SH3PXD2A: variants seen among roughly 807,000 people sequenced by gnomAD.
SH3PXD2A encodes SH3 and PX domain-containing protein 2A.
A neutral mutation model predicts 115.2 loss-of-function variants in SH3PXD2A; 32 were observed. That is an observed-to-expected ratio of 0.28 (90% CI 0.21 to 0.37). The LOEUF is 0.37. Ranked by LOEUF, SH3PXD2A falls within the 10% of genes least tolerant of loss-of-function variation. The pLI, the probability that SH3PXD2A is intolerant of heterozygous loss-of-function variation, is 1.00. For synonymous variants in SH3PXD2A, 610 were observed against 629.1 expected, an observed-to-expected ratio of 0.97 and a Z score of 0.45; for missense variants, 1,328 against 1,498.7, an observed-to-expected ratio of 0.89 and a Z score of 1.88.
chr10:103,595,226 T>G lies in SH3PXD2A; in HGVS notation c.*6590A>C, dbSNP rs2036116760. The G allele has an allele frequency of 1.3e-5, 2 of 152,202 alleles. No individual in the cohort carries two copies. The highest frequency in any genetic ancestry group is 4.8e-5 in the African/African-American group (2 of 41,454). 9.4% of individuals were successfully genotyped at this position (152,202 alleles called of 1,614,324 possible). A position where few individuals can be genotyped will look rare whatever the true frequency, so the allele number is the denominator to read the frequency against. ...GAGTGGCAGTTTTTTCCTAGCCAGT[T>G]TCTGTGGCCAAATTTGGAGGATTTT... On this transcript the variant is annotated 3_prime_UTR_variant, in exon 15 of 15. Coordinates refer to ENST00000369774, the MANE Select transcript of SH3PXD2A (RefSeq NM_001394015.1).
At chr10:103,853,441 T>C (rs1454212049) in intron 1 of SH3PXD2A, among the ~76,000 whole-genome samples, 3 of 152,240 alleles carry the variant, frequency 2.0e-5, no homozygotes, top group African/African-American at 7.2e-5. Flanking sequence ...TACATACTAT[T>C]ATTATCCTTA....
intron 5 of SH3PXD2A, among the ~76,000 whole-genome samples, chr10:103,696,520 C>T (rs2037826346): frequency 6.6e-6 from 1 of 152,122 alleles, no homozygotes; most frequent in African/African-American, 2.4e-5. Context: ...TCCCCTTCTC[C>T]AATCCACACT....
chr10:103,674,857 TAAAA>T (rs1452879566), intron 6 of SH3PXD2A, among the ~76,000 whole-genome samples: 1 of 148,892 alleles, frequency 6.7e-6, no homozygotes, highest in African/African-American at 2.5e-5. Context: ...CAAAACAAAA[TAAAA>T]CAAAACAAAA....
intron 9 of SH3PXD2A, among the ~76,000 whole-genome samples, chr10:103,623,620 T>C (rs2036644527): frequency 6.6e-6 from 1 of 151,892 alleles, no homozygotes; most frequent in Non-Finnish European, 1.5e-5. Context: ...TCTGACCTGC[T>C]TCTTATAAGG....
Position 103,601,810 on chromosome 10 carries a change from C to G in SH3PXD2A, c.*6G>C. On this transcript the variant is annotated 3_prime_UTR_variant, in exon 15 of 15. Transcript: ENST00000369774. The stretch of plus-strand genomic sequence containing the variant: ...ACACTGAGGCTGGAAGAGCCCAGGC[C>G]CTCTGCTAGTTCTTTTTCTCAAGGT... The G allele has an allele frequency of 1.3e-6, 2 of 1,585,578 alleles. No homozygotes were observed. The highest frequency in any genetic ancestry group is 1.7e-6 in the Non-Finnish European group (2 of 1,165,140).
At chr10:103,623,652 A>G (rs1369802766) in intron 9 of SH3PXD2A, among the ~76,000 whole-genome samples, 1 of 151,846 alleles carries the variant, frequency 6.6e-6, no homozygotes, top group Admixed American at 6.6e-5. Context: ...GGAGGTGTGG[A>G]CTCCAGTCCA....
At chr10:103,798,593 C>T (rs1247531515) in intron 2 of SH3PXD2A, among the ~76,000 whole-genome samples, 2 of 152,170 alleles carry the variant, frequency 1.3e-5, no homozygotes, top group African/African-American at 4.8e-5. Flanking sequence ...GGTCTGTGGC[C>T]CCCAGGAGGC....
chr10:103,805,510 C>T (rs1225124025), intron 1 of SH3PXD2A, among the ~76,000 whole-genome samples: 3 of 152,228 alleles, frequency 2.0e-5, no homozygotes, highest in Non-Finnish European at 2.9e-5. Context: ...ACCCAGATGT[C>T]CCACTTCCCA....
At chr10:103,831,942 T>C (rs1258198651) in intron 1 of SH3PXD2A, among the ~76,000 whole-genome samples, 1 of 152,204 alleles carries the variant, frequency 6.6e-6, no homozygotes, top group African/African-American at 2.4e-5. Flanking sequence ...CTTCTTTCAC[T>C]TAGCATAATG....
intron 7 of SH3PXD2A, chr10:103,661,690 G>A (rs1006956471): frequency 3.0e-6 from 3 of 985,216 alleles, no homozygotes; most frequent in African/African-American, 1.7e-5. Context: ...AGGAGAGAGC[G>A]GGAGAGAGCT....
chr10:103,852,281 G>A (rs1463868730), intron 1 of SH3PXD2A, among the ~76,000 whole-genome samples: 1 of 152,210 alleles, frequency 6.6e-6, no homozygotes, highest in Non-Finnish European at 1.5e-5. Context: ...TGAACTGACC[G>A]AAAGCACAGG....
At chr10:103,759,997 T>C (rs1003677896) in intron 3 of SH3PXD2A, among the ~76,000 whole-genome samples, 1 of 152,204 alleles carries the variant, frequency 6.6e-6, no homozygotes, top group Non-Finnish European at 1.5e-5. Context: ...TGCTTTTTGT[T>C]TTGGATGATC....
In SH3PXD2A at chr10:103,855,406, G is replaced by A. The variant is rs1842931746; in HGVS notation, c.-140C>T. 1 of 520,990 alleles carries A rather than the reference G, an allele frequency of 1.9e-6. No individual in the cohort carries two copies. The highest frequency in any genetic ancestry group is 4.6e-5 in the Admixed American group (1 of 21,522). The allele number at this position is 520,990 out of a possible 1,614,324, so 32.3% of individuals were successfully genotyped here. ...GCGCCGAACGCTGCCCGGACTCCCG[G>A]CGCCCACAGGTCCGGCCCAGGGACG... On this transcript the variant is annotated 5_prime_UTR_variant, in exon 1 of 15. Coordinates refer to ENST00000369774, the MANE Select transcript of SH3PXD2A (RefSeq NM_001394015.1).
intron 3 of SH3PXD2A, among the ~76,000 whole-genome samples, chr10:103,762,095 C>T (rs2038706766): frequency 7.0e-6 from 1 of 143,542 alleles, no homozygotes; most frequent in Non-Finnish European, 1.5e-5. Context: ...CAATCTTGCT[C>T]ACTGTGACCT....
chr10:103,680,147 T>G (rs905146138), intron 6 of SH3PXD2A, among the ~76,000 whole-genome samples: 1 of 151,844 alleles, frequency 6.6e-6, no homozygotes, highest in African/African-American at 2.4e-5. Context: ...ACCAAGCTAA[T>G]TTTTGTATTT....
chr10:103,688,643 C>T (rs921801891), intron 6 of SH3PXD2A, among the ~76,000 whole-genome samples: 1 of 152,090 alleles, frequency 6.6e-6, no homozygotes, highest in Non-Finnish European at 1.5e-5. Context: ...GTGTTTGATG[C>T]GTTTAAGGAG....
At chr10:103,795,237 CTTTAA>C (rs1375704632) in intron 2 of SH3PXD2A, among the ~76,000 whole-genome samples, 2 of 152,066 alleles carry the variant, frequency 1.3e-5, no homozygotes, top group African/African-American at 2.4e-5. Flanking sequence ...TTTTAATTAA[CTTTAA>C]TTTAAATAGC....
At chr10:103,650,637 T>C (rs949582024) in intron 8 of SH3PXD2A, among the ~76,000 whole-genome samples, 1 of 152,172 alleles carries the variant, frequency 6.6e-6, no homozygotes, top group Non-Finnish European at 1.5e-5. Context: ...GTTCAAGGCC[T>C]ACCTTCTCCA....
chr10:103,801,618 A>G (rs1284328111), intron 1 of SH3PXD2A, among the ~76,000 whole-genome samples: 1 of 150,464 alleles, frequency 6.6e-6, no homozygotes. Flanking sequence ...ATCTTAGGAA[A>G]GTAGGATCAG....
Sources: gnomAD v4.1 joint callset for allele counts (sites outside exome capture counted in the v4.1 genomes callset) on GRCh38, gnomAD v4.1.1 for gene constraint, MANE v1.5 for transcripts, NCBI Gene and HGNC (gene_info 2026-07-23, HGNC 2026-07-21) for gene names.